Variants in GAGE10 observed in about 807,000 individuals in gnomAD.
GAGE10 encodes the protein G antigen 10.
In GAGE10, 9 loss-of-function variants were observed where a neutral mutation model predicts 11.5. The observed-to-expected ratio is 0.78, with a 90% CI of 0.47 to 1.37. The LOEUF (loss-of-function observed/expected upper bound fraction) is 1.37. Among genes scored for constraint, GAGE10 ranks in the 40% most tolerant of loss-of-function variants. The pLI, the probability that GAGE10 is intolerant of heterozygous loss-of-function variation, is 0.00. For synonymous variants in GAGE10, 23 were observed against 29.7 expected (o/e 0.77, Z 0.73); for missense variants, 83 against 92.9 (o/e 0.89, Z 0.44).
intron 4 of GAGE10, among the ~76,000 whole-genome samples, chrX:49,317,693 A>C (rs2066399444): frequency 8.9e-6 from 1 of 111,783 alleles, no homozygotes; most frequent in Non-Finnish European, 1.9e-5. Flanking sequence ...CTGCCTCTTT[A>C]GTAAGAGAGT....
At chrX:49,317,767 T>C (rs1357533127) in intron 4 of GAGE10, among the ~76,000 whole-genome samples, 2 of 109,985 alleles carry the variant, frequency 1.8e-5, no homozygotes, top group Non-Finnish European at 3.8e-5. Context: ...GACTGTCAGA[T>C]AGGGAAACAA....
intron 4 of GAGE10, 131 bp downstream of exon 4, chrX:49,317,419 C>A: frequency 9.9e-7 from 1 of 1,009,142 alleles, no homozygotes; most frequent in Non-Finnish European, 1.3e-6. Flanking sequence ...GGCATCTCGG[C>A]TCATTGGAAA....
At chrX:49,306,855 A>T (rs2066358975) in intron 3 of GAGE10, among the ~76,000 whole-genome samples, 1 of 111,498 alleles carries the variant, frequency 9.0e-6, no homozygotes, top group Admixed American at 9.6e-5. Context: ...AAACAAACAA[A>T]CAGATAACTA....
intron 3 of GAGE10, among the ~76,000 whole-genome samples, chrX:49,310,760 C>G (rs1297402093): frequency 9.1e-6 from 1 of 110,491 alleles, no homozygotes; most frequent in African/African-American, 3.3e-5. Flanking sequence ...ATTAGCCCCC[C>G]CCCACAAAGA....
intron 3 of GAGE10, among the ~76,000 whole-genome samples, chrX:49,315,842 C>T (rs2066389910): frequency 9.0e-6 from 1 of 111,600 alleles, no homozygotes; most frequent in South Asian, 3.8e-4. Flanking sequence ...TGGCATCTGC[C>T]TCATCCTCCC....
At chrX:49,305,916 A>G (rs2066355210) in intron 3 of GAGE10, among the ~76,000 whole-genome samples, 1 of 111,649 alleles carries the variant, frequency 9.0e-6, no homozygotes, top group Admixed American at 9.5e-5. Context: ...CAAAGGCTTT[A>G]CTGTAAGGTA....
At chrX:49,305,252 A>C in intron 2 of GAGE10, 152 bp from the exon 3 acceptor site, 2 of 1,178,098 alleles carry the variant, frequency 1.7e-6, no homozygotes, top group Non-Finnish European at 2.3e-6. Flanking sequence ...CTGTGGGTCG[A>C]GTAACCTTAT....
At chrX:49,306,153 A>C (rs1557124124) in intron 3 of GAGE10, among the ~76,000 whole-genome samples, 2 of 112,487 alleles carry the variant, frequency 1.8e-5, no homozygotes, top group African/African-American at 6.5e-5. Context: ...AAAGCAAAAA[A>C]GGAATTATCC....
chrX:49,307,790 A>T (rs1373802216), intron 3 of GAGE10, among the ~76,000 whole-genome samples: 4 of 112,511 alleles, frequency 3.6e-5, no homozygotes, highest in African/African-American at 9.7e-5. Flanking sequence ...TGGAACAGGA[A>T]TTAAAAGAAA....
At chrX:49,306,836 T>C (rs782816457) in intron 3 of GAGE10, among the ~76,000 whole-genome samples, 44 of 108,701 alleles carry the variant, frequency 4.0e-4, no homozygotes, top group South Asian at 1.6e-3. Context: ...AATAAATAAA[T>C]AAACAAACAA....
chrX:49,305,988 G>C (rs1195682292), intron 3 of GAGE10, among the ~76,000 whole-genome samples: 1 of 111,746 alleles, frequency 8.9e-6, no homozygotes, highest in Non-Finnish European at 1.9e-5. Flanking sequence ...CAAAAACCGA[G>C]TCACTGAATG....
At chrX:49,314,962 CAG>C (rs1339588597) in intron 3 of GAGE10, among the ~76,000 whole-genome samples, 1 of 112,054 alleles carries the variant, frequency 8.9e-6, no homozygotes, top group East Asian at 2.8e-4. Context: ...AAGGCTTTCA[CAG>C]AGAGAGTAGG....
intron 3 of GAGE10, among the ~76,000 whole-genome samples, chrX:49,308,982 C>T (rs782611865): frequency 8.0e-5 from 9 of 111,934 alleles, no homozygotes; most frequent in African/African-American, 2.6e-4. Flanking sequence ...CGGGGAGTGA[C>T]GTGGGGAAGC....
chrX:49,314,498 C>A (rs1557125012), intron 3 of GAGE10, among the ~76,000 whole-genome samples: 1 of 112,443 alleles, frequency 8.9e-6, no homozygotes, highest in Non-Finnish European at 1.9e-5. Flanking sequence ...CAAGGACATG[C>A]AATCCTTTAA....
intron 3 of GAGE10, among the ~76,000 whole-genome samples, chrX:49,314,547 A>G (rs781834929): frequency 8.0e-5 from 9 of 112,651 alleles, no homozygotes; most frequent in Non-Finnish European, 1.1e-4. Context: ...TTTCTCGTCT[A>G]CAGGACAGAC....
Position 49,305,068 on chromosome X carries a change from C to T in GAGE10, c.81+128C>T, listed in dbSNP as rs372306258. The T allele has an allele frequency of 2.8e-5, 28 of 1,000,812 alleles. No individual in the cohort carries two copies. The East Asian group carries it at 4.9e-4, about 18-fold the overall frequency. 82.5% of individuals were successfully genotyped at this position (1,000,812 alleles called of 1,213,427 possible). On this transcript the variant is annotated intron_variant, in intron 2 of 4. Transcript: ENST00000407599. The stretch of plus-strand genomic sequence containing the variant: ...CTCATAAAAAATGATGATGGCGTCT[C>T]ATGAAGGAAACATTGATTCTGGAGA...
At chrX:49,312,224 A>C (rs782384530) in intron 3 of GAGE10, among the ~76,000 whole-genome samples, 2 of 112,438 alleles carry the variant, frequency 1.8e-5, no homozygotes, top group Non-Finnish European at 3.8e-5. Context: ...CAGGGTATGC[A>C]GTAGTGACCC....
chrX:49,309,353 T>C (rs1304951156), intron 3 of GAGE10, among the ~76,000 whole-genome samples: 1 of 112,635 alleles, frequency 8.9e-6, no homozygotes, highest in Non-Finnish European at 1.9e-5. Context: ...CCTCTTTTAG[T>C]GTCAGATGGC....
At chrX:49,315,929 T>G in intron 3 of GAGE10, among the ~76,000 whole-genome samples, 1 of 112,182 alleles carries the variant, frequency 8.9e-6, no homozygotes, top group Non-Finnish European at 1.9e-5. Flanking sequence ...TACCTCACAG[T>G]TGATGGCATT....
Sources: allele counts gnomAD v4.1 joint callset (sites outside exome capture counted in the v4.1 genomes callset), GRCh38; gene constraint gnomAD v4.1.1; transcripts MANE v1.5; gene names NCBI Gene and HGNC (gene_info 2026-07-23, HGNC 2026-07-21).